GPC2: variants seen among roughly 807,000 people sequenced by gnomAD.
GPC2 encodes the protein glypican-2.
Under a neutral mutation model 57.3 loss-of-function variants are expected in GPC2, and 42 were observed. The observed-to-expected ratio is 0.73, with a 90% confidence interval of 0.57 to 0.95. The LOEUF is 0.95. Among genes scored for constraint, GPC2 ranks in the 40% least tolerant of loss-of-function variants. The probability of loss-of-function intolerance (pLI) is 0.00; values close to 1 mark genes in which losing one functional copy is unlikely to be tolerated. For missense variants in GPC2, 745 were observed against 793.6 expected (o/e 0.94, Z 0.74); for synonymous variants, 364 against 343.4 (o/e 1.06, Z -0.66).
Position 100,170,481 on chromosome 7 carries a change from C to T in GPC2, c.1489G>A (p.Glu497Lys). Reference protein sequence around the residue: ...GHDLDGQDADEDASGSGGGQQ... With the variant: ...GHDLDGQDADKDASGSGGGQQ... The stretch of plus-strand genomic sequence containing the variant: ...CCCCCTCCAGAGCCGCTGGCATCCT[C>T]ATCTGCAAGGAAGAAGAGGGACAGA... The change falls in exon 10 of 10, where the codon GAG becomes AAG. Residue 497 changes from glutamate to lysine, a missense_variant and splice_region_variant. This residue lies in a region of GPC2 where 607 missense variants were observed against 603.9 expected (regional missense o/e 1.01). Transcript: ENST00000292377. 1 of 1,521,442 alleles carries T rather than the reference C, an allele frequency of 6.6e-7. No homozygotes were observed. The highest frequency in any genetic ancestry group is 2.4e-5 in the East Asian group (1 of 42,086). 94.2% of individuals were successfully genotyped at this position (1,521,442 alleles called of 1,614,324 possible).
chr7:100,175,062 G>A (rs1014839940), intron 3 of GPC2, among the ~76,000 whole-genome samples: 19 of 152,346 alleles, frequency 1.2e-4, no homozygotes, highest in South Asian at 1.2e-3. Context: ...AGACCTGGGT[G>A]TGAGCCACGG....
chr7:100,174,728 T>C lies in GPC2; in HGVS notation c.686A>G (p.Gln229Arg), dbSNP rs1391584116. 6.2e-7 allele frequency: 1 copy of C among 1,614,130 alleles called. No homozygotes were observed. The highest frequency in any genetic ancestry group is 8.5e-7 in the Non-Finnish European group (1 of 1,180,002). ...RTLVAARAFVQGLETGRNVVS... is the reference protein window; with the variant it reads ...RTLVAARAFVRGLETGRNVVS... ...CACATTTCTTCCAGTCTCCAGGCCC[T>C]GCACAAAGGCTCGGGCAGCCACCAG... Residue 229 changes from glutamine to arginine, a missense_variant, in exon 4 of 10, where the codon CAG (glutamine) becomes CGG (arginine). Transcript: ENST00000292377.
At chr7:100,170,558 G>T in intron 9 of GPC2, 75 bp from the exon 10 acceptor site, 2 of 1,321,952 alleles carry the variant, frequency 1.5e-6, no homozygotes, top group Non-Finnish European at 2.0e-6. Context: ...AAGAAATTGA[G>T]ATAAAAACAG....
Position 100,170,174 on chromosome 7 carries a change from G to T in GPC2, c.*56C>A, listed in dbSNP as rs1018269929. Reference sequence around the variant, plus strand: ...CGACTCCTCCCCAGGCCCAGCTGAGGGGGGAGGAGGGGAAAGGGCCATGAA... The same window carrying T: ...CGACTCCTCCCCAGGCCCAGCTGAGTGGGGAGGAGGGGAAAGGGCCATGAA... On this transcript the variant is annotated 3_prime_UTR_variant, in exon 10 of 10. Coordinates refer to ENST00000292377, the MANE Select transcript of GPC2 (RefSeq NM_152742.3). 4.0e-6 allele frequency: 6 copies of T among 1,481,742 alleles called. No homozygotes were observed. Among genetic ancestry groups the T allele is most frequent in the Non-Finnish European group, 5.4e-6 (6 of 1,105,234 alleles). 91.8% of individuals were successfully genotyped at this position (1,481,742 alleles called of 1,614,324 possible). A position where few individuals can be genotyped will look rare whatever the true frequency, so the allele number is the denominator to read the frequency against.
chr7:100,171,747 C>G lies in GPC2; in HGVS notation c.1170+32G>C. The stretch of plus-strand genomic sequence containing the variant: ...CACAACCATCCCCGGCCCCGGGCCC[C>G]CCCGCCCCCAACTCTTGGTCATCCC... On this transcript the variant is annotated intron_variant, in intron 7 of 9. Transcript: ENST00000292377. The surrounding 1 kb of genome is among the most constrained non-coding windows in gnomAD (Gnocchi z 4.8). 1.3e-6 allele frequency: 2 copies of G among 1,502,342 alleles called. No homozygotes were observed. The highest frequency in any genetic ancestry group is 1.8e-6 in the Non-Finnish European group (2 of 1,134,652). 93.1% of individuals were successfully genotyped at this position (1,502,342 alleles called of 1,614,324 possible). A position where few individuals can be genotyped will look rare whatever the true frequency, so the allele number is the denominator to read the frequency against.
At chr7:100,176,890 G>A (rs544733283) in intron 1 of GPC2, 144 bp downstream of exon 1, 1 of 628,574 alleles carries the variant, frequency 1.6e-6, no homozygotes, top group African/African-American at 1.9e-5. Flanking sequence ...CGGTAAGGAA[G>A]TTACAGGAGG....
chr7:100,170,611 T>G, intron 9 of GPC2, 128 bp from the exon 10 acceptor site: 1 of 852,548 alleles, frequency 1.2e-6, no homozygotes, highest in Non-Finnish European at 1.7e-6. Flanking sequence ...GATGCCGGGT[T>G]GGGGAAGGGA....
intron 5 of GPC2, among the ~76,000 whole-genome samples, chr7:100,172,685 G>A (rs564929841): frequency 7.5e-4 from 79 of 105,036 alleles, no homozygotes; most frequent in South Asian, 2.1e-3. Context: ...GTGTGTGTGT[G>A]TATATATATA....
At position 100,171,116 on chromosome 7, in the gene GPC2, G is replaced by A; in HGVS notation, c.1486+145C>T. 1 of 730,720 alleles carries A rather than the reference G, an allele frequency of 1.4e-6. No homozygotes were observed. Among genetic ancestry groups the A allele is most frequent in the South Asian group, 2.0e-5 (1 of 48,872 alleles). The allele number at this position is 730,720 out of a possible 1,614,324, so 45.3% of individuals were successfully genotyped here. A position where few individuals can be genotyped will look rare whatever the true frequency, so the allele number is the denominator to read the frequency against. On this transcript the variant is annotated intron_variant, in intron 9 of 9. Transcript: ENST00000292377. This position sits in a 1 kb window ranked among gnomAD's most constrained non-coding sequence, Gnocchi z 4.8. ...GATCTGTTACCCCCAGTCTTTCAGG[G>A]CAACGCTCAATAAATGCTCGTTGAA...
intron 4 of GPC2, 92 bp from the exon 5 acceptor site, chr7:100,174,089 C>G: frequency 8.5e-7 from 1 of 1,178,362 alleles, no homozygotes; most frequent in Non-Finnish European, 1.2e-6. Context: ...ATCACATACC[C>G]CACCCTACAC....
In GPC2 at chr7:100,172,079, C is replaced by T. The variant is rs750587282; in HGVS notation, c.1023+8G>A. 1.2e-6 allele frequency: 2 copies of T among 1,613,798 alleles called. No homozygotes were observed. Among genetic ancestry groups the T allele is most frequent in the African/African-American group, 2.7e-5 (2 of 74,846 alleles). ...CGGGCCTCACCTCCACCCTTCTCTC[C>T]CCTGTACCTGGGCGGACACCTTCGC... On this transcript the variant is annotated splice_region_variant and intron_variant, in intron 6 of 9. Transcript: ENST00000292377.
At chr7:100,174,066 G>T in intron 4 of GPC2, 69 bp from the exon 5 acceptor site, 1 of 1,387,014 alleles carries the variant, frequency 7.2e-7, no homozygotes, top group Non-Finnish European at 9.6e-7. Context: ...CTTGGTGCTG[G>T]GCACAGACAG....
intron 5 of GPC2, 100 bp downstream of exon 5, chr7:100,173,735 T>G: frequency 1.1e-6 from 1 of 904,746 alleles, no homozygotes; most frequent in Non-Finnish European, 1.6e-6. Flanking sequence ...GGGCTCCAAC[T>G]CCTGGCCTCA....
rs1431352327 is a variant in GPC2, at chr7:100,174,678, C to T, written c.729+7G>A. On this transcript the variant is annotated splice_region_variant and intron_variant, in intron 4 of 9. Coordinates refer to ENST00000292377, the MANE Select transcript of GPC2 (RefSeq NM_152742.3). ...TGGGCCCTGCCCATACTCAGGCACCCTCCAACCTTAAGCGCTTCGCTGACC... is the reference window on the plus strand; with the variant it reads ...TGGGCCCTGCCCATACTCAGGCACCTTCCAACCTTAAGCGCTTCGCTGACC... The T allele has an allele frequency of 6.2e-7, 1 of 1,610,420 alleles. No homozygotes were observed. The highest frequency in any genetic ancestry group is 2.2e-5 in the East Asian group (1 of 44,878).
chr7:100,175,915 A>AGGT, intron 2 of GPC2, 21 bp from the exon 3 acceptor site: 1 of 1,607,034 alleles, frequency 6.2e-7, no homozygotes, highest in Non-Finnish European at 8.5e-7. Flanking sequence ...TGCAGGGAAC[A>AGGT]GGTGGAAGGC....
Position 100,171,525 on chromosome 7 carries a change from C to T in GPC2, c.1310+14G>A, listed in dbSNP as rs964539485. On this transcript the variant is annotated intron_variant, in intron 8 of 9. Transcript: ENST00000292377. This position sits in a 1 kb window ranked among gnomAD's most constrained non-coding sequence, Gnocchi z 4.8. ...TCCCGCCCCCTGCTGCCCCCCGACG[C>T]CCCCGAGGCTCACCGGCCCCGCCCG... 2.9e-6 allele frequency: 4 copies of T among 1,398,276 alleles called. No individual in the cohort carries two copies. Among genetic ancestry groups the T allele is most frequent in the Non-Finnish European group, 3.7e-6 (4 of 1,084,124 alleles). 86.6% of individuals were successfully genotyped at this position (1,398,276 alleles called of 1,614,324 possible).
At chr7:100,174,907 A>G in intron 3 of GPC2, 142 bp from the exon 4 acceptor site, 1 of 632,442 alleles carries the variant, frequency 1.6e-6, no homozygotes, top group African/African-American at 1.8e-5. Context: ...GGTGGTACAG[A>G]GAGGCAGGTT....
chr7:100,173,646 TTCTC>T (rs1799221802), intron 5 of GPC2, 185 bp downstream of exon 5: 1 of 436,448 alleles, frequency 2.3e-6, no homozygotes, highest in Non-Finnish European at 4.1e-6. Context: ...CCTTCTTTCT[TTCTC>T]TGTCTCTCTC....
chr7:100,174,198 TAGAG>T (rs1269427197), intron 4 of GPC2: 1 of 520,856 alleles, frequency 1.9e-6, no homozygotes, highest in South Asian at 2.8e-5. Context: ...GGGGTGGAAA[TAGAG>T]AGGCAGTTAG....
Sources: gnomAD v4.1 joint callset for allele counts (sites outside exome capture counted in the v4.1 genomes callset) on GRCh38, gnomAD v4.1.1 for gene constraint, gnomAD v4.1.1 regional missense constraint, Gnocchi (gnomAD v3.1) non-coding constraint, MANE v1.5 for transcripts, NCBI Gene and HGNC (gene_info 2026-07-23, HGNC 2026-07-21) for gene names.